The following OR56A3 variants were observed in gnomAD, a reference collection of about 807,000 sequenced individuals.
The protein encoded by OR56A3 is olfactory receptor family 56 subfamily A member 3.
Under a neutral mutation model 17.5 loss-of-function variants are expected in OR56A3, and 23 were observed. The observed-to-expected ratio is 1.32, with a 90% CI of 0.95 to 1.87. The LOEUF is 1.87. Ranked by LOEUF, OR56A3 falls within the 40% of genes most tolerant of loss-of-function variation. The pLI is 0.00. For missense variants in OR56A3, 366 were observed against 380.1 expected (o/e 0.96, Z 0.31); for synonymous variants, 175 against 150.6 (o/e 1.16, Z -1.19).
chr11:5,959,300 T>G, the OR56A3 span, among the ~76,000 whole-genome samples: 2 of 152,136 alleles, frequency 1.3e-5, no homozygotes, highest in East Asian at 1.9e-4. Flanking sequence ...TTTTTTGTGG[T>G]TTTTTTGTTG....
At chr11:5,994,151 C>T in the OR56A3 span, 1 of 507,664 alleles carries the variant, frequency 2.0e-6, no homozygotes, top group Non-Finnish European at 3.9e-6. Flanking sequence ...AGCAGGATCC[C>T]ATTGAGCTGC....
chr11:5,990,967 G>C, the OR56A3 span, among the ~76,000 whole-genome samples: 1 of 152,028 alleles, frequency 6.6e-6, no homozygotes, highest in African/African-American at 2.4e-5. Flanking sequence ...AGCCCTCCCT[G>C]CTTAGCCCCA....
downstream of OR56A3, among the ~76,000 whole-genome samples, chr11:5,952,277 G>T (rs1456738889): frequency 6.6e-6 from 1 of 152,168 alleles, no homozygotes; most frequent in Non-Finnish European, 1.5e-5. Flanking sequence ...ATCTAGAATA[G>T]TGGAAGGTGT....
At chr11:5,961,032 G>GC in the OR56A3 span, among the ~76,000 whole-genome samples, 1 of 151,200 alleles carries the variant, frequency 6.6e-6, no homozygotes, top group Admixed American at 6.6e-5. Context: ...CCCGGCAGCC[G>GC]CCCCCCGTCT....
the OR56A3 span, among the ~76,000 whole-genome samples, chr11:6,014,918 T>G: frequency 5.2e-5 from 7 of 133,934 alleles, no homozygotes; most frequent in East Asian, 1.6e-3. Flanking sequence ...AGAGATGACT[T>G]AGGGTATGTG....
the OR56A3 span, among the ~76,000 whole-genome samples, chr11:5,998,362 TAG>T: frequency 6.6e-6 from 1 of 152,172 alleles, no homozygotes; most frequent in African/African-American, 2.4e-5. Context: ...AGACTCCTGC[TAG>T]AGTCTGATTT....
chr11:5,978,759 A>T, the OR56A3 span, among the ~76,000 whole-genome samples: 1 of 152,132 alleles, frequency 6.6e-6, no homozygotes, highest in Non-Finnish European at 1.5e-5. Context: ...TATGCTGAAT[A>T]GGAGTGGTAA....
At chr11:5,965,237 G>A in the OR56A3 span, among the ~76,000 whole-genome samples, 1 of 152,096 alleles carries the variant, frequency 6.6e-6, no homozygotes, top group Non-Finnish European at 1.5e-5. Flanking sequence ...CATGTTTTAG[G>A]CTCTGGTTAA....
At chr11:5,954,201 C>T (rs1847922066), downstream of OR56A3, among the ~76,000 whole-genome samples, 1 of 152,112 alleles carries the variant, frequency 6.6e-6, no homozygotes, top group South Asian at 2.1e-4. Flanking sequence ...AACTAAAAGA[C>T]TTGTTTATGC....
chr11:6,016,115 G>C, the OR56A3 span, among the ~76,000 whole-genome samples: 2 of 152,094 alleles, frequency 1.3e-5, no homozygotes, highest in African/African-American at 2.4e-5. Flanking sequence ...CCATCCCCCT[G>C]GGTGCTGTTC....
the OR56A3 span, chr11:5,993,951 G>C: frequency 4.0e-5 from 18 of 445,096 alleles, no homozygotes; most frequent in Non-Finnish European, 7.5e-5. Context: ...GTAGTCTTTT[G>C]AATGGTTCGC....
At position 5,948,080 on chromosome 11, in the gene OR56A3, G is replaced by A; in HGVS notation, c.734G>A (p.Cys245Tyr). ...GCCGTGGCAAAGGCCCTAAGCACAT[G>A]TGGCTCCCACTTCATGCTCATCCTC... ...EGAVAKALST[C>Y]GSHFMLILFF... Residue 245 changes from cysteine (C) to tyrosine (Y), a missense_variant, in exon 3 of 3, where the codon TGT becomes TAT. Physicochemically the swap from Cys to Tyr is radical, Grantham distance 194. Coordinates refer to ENST00000641160, the MANE Select transcript of OR56A3 (RefSeq NM_001003443.3). The A allele has an allele frequency of 6.2e-7, 1 of 1,614,230 alleles. No individual in the cohort carries two copies.
the OR56A3 span, among the ~76,000 whole-genome samples, chr11:5,957,508 T>C: frequency 6.6e-6 from 1 of 152,230 alleles, no homozygotes; most frequent in Admixed American, 6.5e-5. Context: ...CTCCACTATC[T>C]TGTAACTTAA....
At chr11:6,010,580 A>C in the OR56A3 span, among the ~76,000 whole-genome samples, 1 of 152,192 alleles carries the variant, frequency 6.6e-6, no homozygotes. Flanking sequence ...TCAGACATTG[A>C]AATTGCCAGT....
At chr11:5,985,618 A>G in the OR56A3 span, among the ~76,000 whole-genome samples, 1 of 152,200 alleles carries the variant, frequency 6.6e-6, no homozygotes, top group Non-Finnish European at 1.5e-5. Context: ...TGCATGGCCT[A>G]CCATTGGGCA....
At chr11:5,981,840 T>C in the OR56A3 span, among the ~76,000 whole-genome samples, 118 of 152,350 alleles carry the variant, frequency 7.7e-4, no homozygotes, top group Non-Finnish European at 1.4e-3. Flanking sequence ...TTTTTGCTTT[T>C]ATATTCTTTG....
the OR56A3 span, among the ~76,000 whole-genome samples, chr11:5,971,174 T>C: frequency 6.6e-6 from 1 of 152,142 alleles, no homozygotes; most frequent in Non-Finnish European, 1.5e-5. Context: ...GGAGGGATAC[T>C]CCTGATTCAC....
At chr11:6,017,267 C>T in the OR56A3 span, among the ~76,000 whole-genome samples, 1 of 152,134 alleles carries the variant, frequency 6.6e-6, no homozygotes, top group Non-Finnish European at 1.5e-5. Flanking sequence ...TTGCCGAAAA[C>T]TCTCCAAGTT....
chr11:5,965,303 T>C, the OR56A3 span, among the ~76,000 whole-genome samples: 2 of 152,176 alleles, frequency 1.3e-5, no homozygotes, highest in Admixed American at 1.3e-4. Flanking sequence ...AATCAAATAG[T>C]AAGGGGATAA....
Sources: allele counts gnomAD v4.1 joint callset (sites outside exome capture counted in the v4.1 genomes callset), GRCh38; gene constraint gnomAD v4.1.1; transcripts MANE v1.5; gene names NCBI Gene and HGNC (gene_info 2026-07-23, HGNC 2026-07-21).